Variants in NEXMIF observed in about 807,000 individuals in gnomAD.
The protein encoded by NEXMIF is neurite extension and migration factor.
A neutral mutation model predicts 62.1 loss-of-function variants in NEXMIF; 8 were observed. The observed-to-expected ratio is 0.13, with a 90% confidence interval of 0.08 to 0.23. NEXMIF has a LOEUF of 0.23. Among genes scored for constraint, NEXMIF ranks in the 10% least tolerant of loss-of-function variants. NEXMIF has a pLI of 1.00. For synonymous variants in NEXMIF, 404 were observed against 416.6 expected, an observed-to-expected ratio of 0.97 and a Z score of 0.37; for missense variants, 976 against 1,113.3, an observed-to-expected ratio of 0.88 and a Z score of 1.75.
intron 1 of NEXMIF, among the ~76,000 whole-genome samples, chrX:74,762,663 G>A (rs1345870165): frequency 8.9e-6 from 1 of 111,796 alleles, no homozygotes; most frequent in Non-Finnish European, 1.9e-5. Flanking sequence ...ATTCTAACTG[G>A]TGTGAGATGG....
chrX:74,918,074 A>G (rs2080814090), intron 1 of NEXMIF, among the ~76,000 whole-genome samples: 1 of 111,743 alleles, frequency 8.9e-6, no homozygotes, highest in African/African-American at 3.2e-5. Context: ...TTTTTGAGAG[A>G]GACATTTAAT....
At chrX:74,775,877 T>C (rs1313059411) in intron 1 of NEXMIF, among the ~76,000 whole-genome samples, 1 of 111,618 alleles carries the variant, frequency 9.0e-6, no homozygotes, top group Non-Finnish European at 1.9e-5. Flanking sequence ...CTGTGAAGAA[T>C]AGTGTGTCAC....
At chrX:74,842,956 C>A (rs905956216) in intron 1 of NEXMIF, among the ~76,000 whole-genome samples, 3 of 111,408 alleles carry the variant, frequency 2.7e-5, no homozygotes, top group Non-Finnish European at 5.7e-5. Context: ...CTGTTGTTTG[C>A]GGGTGGAGAG....
rs953033165 is a variant in NEXMIF, at chrX:74,815,505, A to T, written c.-47-69808T>A. On this transcript the variant is annotated intron_variant, in intron 1 of 3. Coordinates refer to ENST00000055682, the MANE Select transcript of NEXMIF (RefSeq NM_001008537.3). ...ACATTTTCCACACTGCCAGCAGAAC[A>T]CTCTCTTGAAAAATATTCCTTTCCA... Among the ~76,000 whole-genome samples, 5 of 110,896 alleles carry T rather than the reference A, an allele frequency of 4.5e-5. No homozygotes were observed. The East Asian group carries it at 1.4e-3, about 31-fold the overall frequency.
At chrX:74,863,675 C>G (rs2080566371) in intron 1 of NEXMIF, among the ~76,000 whole-genome samples, 1 of 111,654 alleles carries the variant, frequency 9.0e-6, no homozygotes, top group Non-Finnish European at 1.9e-5. Context: ...TGAATTCTAC[C>G]AAAGGTACAA....
At chrX:74,883,418 T>C (rs2080674964) in intron 1 of NEXMIF, among the ~76,000 whole-genome samples, 1 of 110,659 alleles carries the variant, frequency 9.0e-6, no homozygotes, top group East Asian at 2.8e-4. Context: ...GATGAATGGA[T>C]AACTAGAAAA....
intron 1 of NEXMIF, among the ~76,000 whole-genome samples, chrX:74,808,355 G>T (rs2080351114): frequency 9.0e-6 from 1 of 111,645 alleles, no homozygotes; most frequent in African/African-American, 3.3e-5. Flanking sequence ...AGTGAGCCAA[G>T]ATTGCACCAC....
chrX:74,799,666 T>C (rs1165425938), intron 1 of NEXMIF, among the ~76,000 whole-genome samples: 1 of 111,298 alleles, frequency 9.0e-6, no homozygotes, highest in Non-Finnish European at 1.9e-5. Context: ...GGTCTTGCTC[T>C]GTTGTCCAGG....
At chrX:74,875,669 C>T (rs774170517) in intron 1 of NEXMIF, among the ~76,000 whole-genome samples, 6 of 111,391 alleles carry the variant, frequency 5.4e-5, no homozygotes, top group African/African-American at 9.8e-5. Context: ...CTACAATTTC[C>T]GAGCGTGTTA....
chrX:74,765,391 G>A (rs747337630), intron 1 of NEXMIF, among the ~76,000 whole-genome samples: 4 of 111,508 alleles, frequency 3.6e-5, no homozygotes, highest in Non-Finnish European at 5.6e-5. Context: ...TTACCACTCT[G>A]TGCTTTTTAA....
chrX:74,830,359 T>C (rs899800044), intron 1 of NEXMIF, among the ~76,000 whole-genome samples: 4 of 111,599 alleles, frequency 3.6e-5, no homozygotes, highest in Admixed American at 9.6e-5. Context: ...GAGCTCATCA[T>C]AGGTGTATGG....
chrX:74,745,411 T>G (rs752168729), intron 2 of NEXMIF, among the ~76,000 whole-genome samples, 161 bp downstream of exon 2: 7 of 111,949 alleles, frequency 6.3e-5, no homozygotes, highest in Non-Finnish European at 1.3e-4. Flanking sequence ...GAGACTCTTA[T>G]AGCCAAGTTA....
chrX:74,874,491 C>T (rs1201175812), intron 1 of NEXMIF, among the ~76,000 whole-genome samples: 3 of 109,876 alleles, frequency 2.7e-5, no homozygotes, highest in Admixed American at 2.0e-4. Flanking sequence ...TTTTTGGTTC[C>T]ATATGAACTT....
At chrX:74,746,701 A>C (rs992692341) in intron 1 of NEXMIF, among the ~76,000 whole-genome samples, 1 of 112,625 alleles carries the variant, frequency 8.9e-6, no homozygotes, top group Non-Finnish European at 1.9e-5. Context: ...CACGTGATTC[A>C]ATCTATAAAA....
chrX:74,857,520 G>A (rs775935960), intron 1 of NEXMIF, among the ~76,000 whole-genome samples: 1 of 112,248 alleles, frequency 8.9e-6, no homozygotes, highest in African/African-American at 3.2e-5. Context: ...TGATACTCAG[G>A]TAGTACACTG....
chrX:74,771,607 G>A, intron 1 of NEXMIF, among the ~76,000 whole-genome samples: 1 of 110,627 alleles, frequency 9.0e-6, no homozygotes. Flanking sequence ...GGGTAGAGGT[G>A]AGGGTGGGGA....
chrX:74,817,783 T>C (rs889921166), intron 1 of NEXMIF, among the ~76,000 whole-genome samples: 1 of 111,713 alleles, frequency 9.0e-6, no homozygotes, highest in Admixed American at 9.6e-5. Flanking sequence ...ATTTTCCTCA[T>C]AATAGTCTTA....
At chrX:74,746,772 C>A (rs917281668) in intron 1 of NEXMIF, among the ~76,000 whole-genome samples, 2 of 112,697 alleles carry the variant, frequency 1.8e-5, no homozygotes, top group African/African-American at 3.2e-5. Flanking sequence ...ATTAGGCAGT[C>A]TCTCAGTTTT....
chrX:74,894,394 G>T lies in NEXMIF; in HGVS notation c.-48+30489C>A, dbSNP rs566541674. 1.8e-4 allele frequency among the ~76,000 whole-genome samples: 20 copies of T among 111,725 alleles called. No individual in the cohort carries two copies. In the South Asian group the frequency reaches 6.4e-3, roughly 36 times the overall value. On this transcript the variant is annotated intron_variant, in intron 1 of 3. Coordinates refer to ENST00000055682, the MANE Select transcript of NEXMIF (RefSeq NM_001008537.3). ...CAACTGATACTTCAGAAATCCAAAG[G>T]ATCATTAGTAGCTACTATAAGCAAC... is the stretch of plus-strand genomic sequence containing the variant.
Sources: gnomAD v4.1 joint callset for allele counts (sites outside exome capture counted in the v4.1 genomes callset) on GRCh38, gnomAD v4.1.1 for gene constraint, MANE v1.5 for transcripts, NCBI Gene and HGNC (gene_info 2026-07-23, HGNC 2026-07-21) for gene names.